The following CROCC2 variants were observed in gnomAD, a reference collection of about 807,000 sequenced individuals.
CROCC2 encodes ciliary rootlet coiled-coil, rootletin family member 2.
Under a neutral mutation model 177.6 loss-of-function variants are expected in CROCC2, and 163 were observed. The ratio of observed to expected loss-of-function variants is 0.92; its 90% CI spans 0.81 to 1.05. CROCC2 has a LOEUF of 1.05. CROCC2 is among the 50% of genes least tolerant of loss of function. The pLI, the probability that CROCC2 is intolerant of heterozygous loss-of-function variation, is 0.00. For synonymous variants in CROCC2, 904 were observed against 787.3 expected, an observed-to-expected ratio of 1.15 and a Z score of -2.48; for missense variants, 1,929 against 1,797.8, an observed-to-expected ratio of 1.07 and a Z score of -1.32.
At chr2:240,951,411 C>T (rs924381431) in intron 18 of CROCC2, among the ~76,000 whole-genome samples, 1 of 152,138 alleles carries the variant, frequency 6.6e-6, no homozygotes, top group Non-Finnish European at 1.5e-5. Flanking sequence ...ATTCATCCAT[C>T]TGTCCATCAT....
At chr2:240,939,897 C>T (rs966810593) in intron 14 of CROCC2, among the ~76,000 whole-genome samples, 2 of 152,140 alleles carry the variant, frequency 1.3e-5, no homozygotes, top group Non-Finnish European at 1.5e-5. Flanking sequence ...CCATCACGAT[C>T]GGAGGACATA....
rs372056767 is a variant in CROCC2, at chr2:240,912,675, A to T, written c.79-6051A>T. On this transcript the variant is annotated intron_variant, in intron 1 of 31. Transcript: ENST00000690015. ...ATGGAACCTTCATTAAGTAGGCAAA[A>T]TTCATTAAATCACTGGCCGTTGGTG... 8.5e-5 allele frequency among the ~76,000 whole-genome samples: 13 copies of T among 152,264 alleles called. No individual in the cohort carries two copies. The South Asian group carries it at 2.7e-3, about 32-fold the overall frequency.
chr2:240,967,889 C>T (rs1451030762), intron 26 of CROCC2, among the ~76,000 whole-genome samples: 3 of 152,164 alleles, frequency 2.0e-5, no homozygotes, highest in Non-Finnish European at 4.4e-5. Flanking sequence ...CCTTCTGCCC[C>T]CCACTGCCTC....
At chr2:240,962,682 C>T (rs1439445097) in intron 20 of CROCC2, among the ~76,000 whole-genome samples, 4 of 152,216 alleles carry the variant, frequency 2.6e-5, no homozygotes, top group East Asian at 1.9e-4. Flanking sequence ...GGGCATGCCC[C>T]GCTGGCTACC....
At chr2:240,931,166 C>A in intron 7 of CROCC2, 38 bp downstream of exon 7, 1 of 681,790 alleles carries the variant, frequency 1.5e-6, no homozygotes, top group Non-Finnish European at 2.7e-6. Flanking sequence ...ACAGGGAGGG[C>A]CCGGGGGGTC....
rs1434513555 is a variant in CROCC2, at chr2:240,960,466, G to A, written c.3087+1022G>A. Reference sequence around the variant, plus strand: ...AGGCTCACCTGGGCTCAGCGGGCAGGCAGATTGGAGAGGCATTTCTGAGGG... The same window carrying A: ...AGGCTCACCTGGGCTCAGCGGGCAGACAGATTGGAGAGGCATTTCTGAGGG... On this transcript the variant is annotated intron_variant, in intron 20 of 31. Transcript: ENST00000690015. This position sits in a 1 kb window ranked among gnomAD's most constrained non-coding sequence, Gnocchi z 5.0. Among the ~76,000 whole-genome samples, 2 of 151,868 alleles carry A rather than the reference G, an allele frequency of 1.3e-5. No individual in the cohort carries two copies. Among genetic ancestry groups the A allele is most frequent in the Non-Finnish European group, 2.9e-5 (2 of 67,902 alleles).
intron 28 of CROCC2, among the ~76,000 whole-genome samples, chr2:240,983,865 C>G (rs2059818695): frequency 6.6e-6 from 1 of 152,186 alleles, no homozygotes; most frequent in Non-Finnish European, 1.5e-5. Context: ...AGTGGCCTGA[C>G]ACATCACACA....
rs1261216624 is a variant in CROCC2 at position 240,973,893 on chromosome 2, G to A, written c.4401+5631G>A. 2.0e-5 allele frequency among the ~76,000 whole-genome samples: 3 copies of A among 152,144 alleles called. No individual in the cohort carries two copies. The highest frequency in any genetic ancestry group is 2.9e-5 in the Non-Finnish European group (2 of 68,038). On this transcript the variant is annotated intron_variant, in intron 27 of 31. Transcript: ENST00000690015. This position sits in a 1 kb window ranked among gnomAD's most constrained non-coding sequence, Gnocchi z 4.7. Reference sequence around the variant, plus strand: ...CACTCAAAATAACTTTTCTTGAGAGGTTCATTGAACTCCCCTGTACATATT... The same window carrying A: ...CACTCAAAATAACTTTTCTTGAGAGATTCATTGAACTCCCCTGTACATATT...
intron 1 of CROCC2, among the ~76,000 whole-genome samples, chr2:240,914,650 C>T (rs1037178300): frequency 1.3e-5 from 2 of 152,106 alleles, no homozygotes; most frequent in Non-Finnish European, 2.9e-5. Context: ...CCACCCTTCA[C>T]TCGGGGGTCC....
intron 3 of CROCC2, among the ~76,000 whole-genome samples, chr2:240,920,765 G>C (rs965345159): frequency 2.0e-5 from 3 of 152,198 alleles, no homozygotes; most frequent in Admixed American, 6.5e-5. Flanking sequence ...TGTGGAGCTG[G>C]GGAAGGCCTC....
In CROCC2 at chr2:240,932,962, G is replaced by A; in HGVS notation, c.1251+54G>A. 5 of 1,531,524 alleles carry A rather than the reference G, an allele frequency of 3.3e-6. No individual in the cohort carries two copies. The South Asian group carries it at 3.6e-5, about 11-fold the overall frequency. The allele number at this position is 1,531,524 out of a possible 1,614,324, so 94.9% of individuals were successfully genotyped here. Reference sequence around the variant, plus strand: ...TGTCTCCCTGAGGGCAGAAACATGAGCCCCTCAGGCTGAAGGGTAGTTATG... The same window carrying A: ...TGTCTCCCTGAGGGCAGAAACATGAACCCCTCAGGCTGAAGGGTAGTTATG... On this transcript the variant is annotated intron_variant, in intron 9 of 31. Transcript: ENST00000690015.
chr2:240,919,851 C>T, intron 2 of CROCC2, 132 bp from the exon 3 acceptor site: 3 of 579,624 alleles, frequency 5.2e-6, no homozygotes, highest in Middle Eastern at 4.4e-4. Flanking sequence ...GGGACCCCTC[C>T]CAGGAGATGG....
chr2:240,935,369 G>A lies in CROCC2; in HGVS notation c.1950G>A (p.Glu650=). The change falls in exon 14 of 32, where the codon GAG becomes GAA. Residue 650 remains glutamate, a synonymous_variant. Coordinates refer to ENST00000690015, the MANE Select transcript of CROCC2 (RefSeq NM_001351305.2). ...ACACCTGGTGGCAGCTGGAGCAGGA[G>A]CGGGACCAGCTGCGGGAACAGCGGA... ...LNHLALQLEQ[E]RDQLREQRKT... The A allele has an allele frequency of 1.5e-6, 2 of 1,359,456 alleles. No homozygotes were observed. The highest frequency in any genetic ancestry group is 1.9e-6 in the Non-Finnish European group (2 of 1,049,652). The allele number at this position is 1,359,456 out of a possible 1,614,324, so 84.2% of individuals were successfully genotyped here.
intron 20 of CROCC2, among the ~76,000 whole-genome samples, chr2:240,961,279 G>A (rs1044945819): frequency 6.6e-6 from 1 of 151,878 alleles, no homozygotes; most frequent in Non-Finnish European, 1.5e-5. Flanking sequence ...CACACACACC[G>A]GTGTACACTT....
chr2:240,916,871 G>A (rs1230970319), intron 1 of CROCC2, among the ~76,000 whole-genome samples: 1 of 152,148 alleles, frequency 6.6e-6, no homozygotes, highest in African/African-American at 2.4e-5. Context: ...CCACCCTGCT[G>A]GGCCTCCGTT....
chr2:240,988,185 A>T (rs1336064328), intron 28 of CROCC2, among the ~76,000 whole-genome samples: 2 of 152,160 alleles, frequency 1.3e-5, no homozygotes, highest in Non-Finnish European at 2.9e-5. Flanking sequence ...GGAGTGGGTG[A>T]CTAAGGAGGG....
intron 14 of CROCC2, among the ~76,000 whole-genome samples, chr2:240,937,053 A>G (rs2059475537): frequency 1.3e-5 from 2 of 152,258 alleles, no homozygotes; most frequent in Admixed American, 6.5e-5. Context: ...GAACTTTTAT[A>G]GGGAACAACC....
At chr2:240,988,918 C>G in intron 29 of CROCC2, 48 bp downstream of exon 29, 1 of 1,346,560 alleles carries the variant, frequency 7.4e-7, no homozygotes, top group Non-Finnish European at 9.6e-7. Context: ...TGGGGGCAGA[C>G]CTGGGGTGGG....
At chr2:240,932,551 GCACGT>G in intron 8 of CROCC2, 137 bp downstream of exon 8, 2 of 688,328 alleles carry the variant, frequency 2.9e-6, no homozygotes, top group South Asian at 3.2e-5. Context: ...GCACTTTGAG[GCACGT>G]CAGGAAGGTG....
Sources: allele counts gnomAD v4.1 joint callset (sites outside exome capture counted in the v4.1 genomes callset), GRCh38; gene constraint gnomAD v4.1.1; non-coding constraint Gnocchi (gnomAD v3.1); transcripts MANE v1.5; gene names NCBI Gene and HGNC (gene_info 2026-07-23, HGNC 2026-07-21).